UBR3: variants seen among roughly 807,000 people sequenced by gnomAD.
UBR3 encodes ubiquitin protein ligase E3 component n-recognin 3.
In UBR3, 85 loss-of-function variants were observed where a neutral mutation model predicts 243.2. The ratio of observed to expected loss-of-function variants is 0.35; its 90% CI spans 0.29 to 0.42. UBR3 has a LOEUF of 0.42. Ranked by LOEUF, UBR3 falls within the 10% of genes least tolerant of loss-of-function variation. The pLI is 1.00. For synonymous variants in UBR3, 748 were observed against 799.8 expected (o/e 0.94, Z 1.09); for missense variants, 1,686 against 2,300.8 (o/e 0.73, Z 5.47).
In UBR3 at chr2:169,981,831, G is replaced by T. The variant is rs1298277658; in HGVS notation, c.3635-4814G>T. On this transcript the variant is annotated intron_variant, in intron 24 of 38. Coordinates refer to ENST00000272793, the MANE Select transcript of UBR3 (RefSeq NM_172070.4). ...AATGGGAAGATTATTTTTTAAAAAA[G>T]AAAGCGAATACTCTATACACCAACT... Among the ~76,000 whole-genome samples the T allele has an allele frequency of 3.3e-5, 5 of 151,624 alleles. No homozygotes were observed. In the East Asian group the frequency reaches 7.7e-4, roughly 23 times the overall value.
chr2:170,079,082 T>C (rs1252894631), intron 36 of UBR3, among the ~76,000 whole-genome samples: 6 of 152,202 alleles, frequency 3.9e-5, no homozygotes, highest in Admixed American at 2.0e-4. Flanking sequence ...TTTCTTAAGA[T>C]AATAGACTCA....
At chr2:169,927,493 A>G (rs1270923455) in intron 17 of UBR3, 88 bp downstream of exon 17, 5 of 1,074,800 alleles carry the variant, frequency 4.7e-6, no homozygotes, top group Non-Finnish European at 6.5e-6. Flanking sequence ...TTTTTGATTA[A>G]TTTTTTTTCA....
At chr2:169,992,822 A>G (rs1380625770) in intron 25 of UBR3, among the ~76,000 whole-genome samples, 2 of 152,192 alleles carry the variant, frequency 1.3e-5, no homozygotes, top group Non-Finnish European at 2.9e-5. Context: ...GTGCAGTGGC[A>G]CGATCTCAGC....
chr2:169,938,028 A>G (rs6756699), intron 19 of UBR3, among the ~76,000 whole-genome samples: 2,768 of 152,130 alleles, frequency 0.018, 76 homozygotes, highest in African/African-American at 0.063. Flanking sequence ...TGTACTTGCT[A>G]TTTGATCCTC....
At chr2:170,040,296 G>A (rs964701292) in intron 31 of UBR3, among the ~76,000 whole-genome samples, 4 of 151,594 alleles carry the variant, frequency 2.6e-5, no homozygotes, top group Admixed American at 6.6e-5. Flanking sequence ...TTGTAGTGGC[G>A]GGTTTTCACC....
rs1276825162 is a variant in UBR3 at position 169,926,978 on chromosome 2, C to T, written c.2338+7C>T. The stretch of plus-strand genomic sequence containing the variant: ...AGTCTTCGTTTACATTTAGGTAAAA[C>T]TCACTGATACTAATACTTATGCATT... On this transcript the variant is annotated splice_region_variant and intron_variant, in intron 16 of 38. Transcript: ENST00000272793. 1 of 1,549,394 alleles carries T rather than the reference C, an allele frequency of 6.5e-7. No individual in the cohort carries two copies. The highest frequency in any genetic ancestry group is 2.0e-5 in the Admixed American group (1 of 50,960).
chr2:169,863,573 A>T (rs909389393), intron 1 of UBR3, among the ~76,000 whole-genome samples: 2 of 152,182 alleles, frequency 1.3e-5, no homozygotes, highest in African/African-American at 4.8e-5. Context: ...TGCTAATGTG[A>T]ATGTATTACT....
intron 35 of UBR3, among the ~76,000 whole-genome samples, chr2:170,063,804 T>A (rs1458635507): frequency 6.6e-6 from 1 of 152,196 alleles, no homozygotes; most frequent in Non-Finnish European, 1.5e-5. Context: ...TGGAAAAAAA[T>A]TAACTCTTGC....
At position 169,928,718 on chromosome 2, in the gene UBR3, A is replaced by G. The variant is rs973589460; in HGVS notation, c.2425-9A>G. The G allele has an allele frequency of 2.0e-6, 3 of 1,474,016 alleles. No individual in the cohort carries two copies. The highest frequency in any genetic ancestry group is 2.7e-6 in the Non-Finnish European group (3 of 1,094,526). The allele number at this position is 1,474,016 out of a possible 1,614,324, so 91.3% of individuals were successfully genotyped here. ...GTTACTAATATTTTTTTCTTGACAT[A>G]TATATCATATTCCAGAAAATCCTAA... On this transcript the variant is annotated splice_polypyrimidine_tract_variant and intron_variant, in intron 17 of 38. Transcript: ENST00000272793.
At chr2:169,839,973 G>T (rs778935864) in intron 1 of UBR3, among the ~76,000 whole-genome samples, 4 of 152,170 alleles carry the variant, frequency 2.6e-5, no homozygotes, top group Non-Finnish European at 5.9e-5. Flanking sequence ...GGCAGAGTTA[G>T]GCCCACTGTC....
chr2:169,916,768 C>T (rs1183660772), intron 11 of UBR3, among the ~76,000 whole-genome samples: 2 of 151,952 alleles, frequency 1.3e-5, no homozygotes, highest in African/African-American at 4.8e-5. Flanking sequence ...CCCTCCTCAC[C>T]CAGATTGGCT....
chr2:169,837,953 ATG>A (rs2105281522), intron 1 of UBR3, among the ~76,000 whole-genome samples: 1 of 152,322 alleles, frequency 6.6e-6, no homozygotes, highest in Admixed American at 6.5e-5. Flanking sequence ...TTGTATTGAT[ATG>A]TCTCTTATAA....
At chr2:170,015,048 G>T in intron 29 of UBR3, 1 of 354,816 alleles carries the variant, frequency 2.8e-6, no homozygotes, top group Non-Finnish European at 5.1e-6. Flanking sequence ...ACCATGATGT[G>T]TGCAATTTTT....
chr2:169,902,934 C>G (rs1160955892), intron 8 of UBR3, among the ~76,000 whole-genome samples: 2 of 152,134 alleles, frequency 1.3e-5, no homozygotes, highest in African/African-American at 4.8e-5. Flanking sequence ...ATTGTAGTCT[C>G]GCTTTATTTG....
chr2:169,836,774 G>C (rs1051836433), intron 1 of UBR3, among the ~76,000 whole-genome samples: 4 of 151,432 alleles, frequency 2.6e-5, no homozygotes, highest in African/African-American at 9.7e-5. Flanking sequence ...ATATGTTTTG[G>C]GGCCATTTGG....
intron 31 of UBR3, among the ~76,000 whole-genome samples, chr2:170,039,679 C>T (rs2105430753): frequency 6.6e-6 from 1 of 152,212 alleles, no homozygotes; most frequent in East Asian, 1.9e-4. Context: ...TTTTGTTCAT[C>T]CCAAGTCTAA....
At chr2:169,981,758 G>GT (rs2088743332) in intron 24 of UBR3, among the ~76,000 whole-genome samples, 1 of 152,058 alleles carries the variant, frequency 6.6e-6, no homozygotes, top group African/African-American at 2.4e-5. Flanking sequence ...AGATGAAACT[G>GT]TGGGGGGGAG....
At chr2:169,942,709 A>G (rs2086639176) in intron 20 of UBR3, 75 bp downstream of exon 20, 16 of 1,325,600 alleles carry the variant, frequency 1.2e-5, no homozygotes, top group Non-Finnish European at 1.6e-5. Flanking sequence ...GATAATATTT[A>G]CATAAAAGTA....
intron 1 of UBR3, among the ~76,000 whole-genome samples, chr2:169,828,802 G>T (rs557451230): frequency 6.6e-6 from 1 of 152,230 alleles, no homozygotes; most frequent in African/African-American, 2.4e-5. Context: ...TCCAGTTAAG[G>T]GCACTTTGTT....
Sources: gnomAD v4.1 joint callset for allele counts (sites outside exome capture counted in the v4.1 genomes callset) on GRCh38, gnomAD v4.1.1 for gene constraint, MANE v1.5 for transcripts, NCBI Gene and HGNC (gene_info 2026-07-23, HGNC 2026-07-21) for gene names.